The following BAALC variants were observed in gnomAD, a reference collection of about 807,000 sequenced individuals.
BAALC encodes BAALC binder of MAP3K1 and KLF4, also known as brain and acute leukemia cytoplasmic protein.
Under a neutral mutation model 15.5 loss-of-function variants are expected in BAALC, and 9 were observed. The observed-to-expected ratio is 0.58, with a 90% CI of 0.35 to 1.02. The LOEUF (loss-of-function observed/expected upper bound fraction) is 1.02. Ranked by LOEUF, BAALC falls within the 50% of genes least tolerant of loss-of-function variation. The pLI, the probability that BAALC is intolerant of heterozygous loss-of-function variation, is 0.02. For missense variants in BAALC, 201 were observed against 192.4 expected (o/e 1.04, Z -0.27); for synonymous variants, 80 against 74.6 (o/e 1.07, Z -0.37).
intron 1 of BAALC, among the ~76,000 whole-genome samples, chr8:103,200,380 T>A (rs1281082174): frequency 6.6e-6 from 1 of 152,194 alleles, no homozygotes; most frequent in African/African-American, 2.4e-5. Context: ...ATCTAATTTC[T>A]AATATCCACC....
At chr8:103,162,149 A>G (rs951497470) in intron 1 of BAALC, among the ~76,000 whole-genome samples, 2 of 151,912 alleles carry the variant, frequency 1.3e-5, no homozygotes, top group African/African-American at 2.4e-5. Flanking sequence ...TTTCATAGAG[A>G]TGGGGTTTTG....
At chr8:103,153,452 A>G (rs1811024161) in intron 1 of BAALC, 1 of 152,222 alleles carries the variant, frequency 6.6e-6, no homozygotes, top group Non-Finnish European at 1.5e-5. Flanking sequence ...CATTCTCTGG[A>G]AAAACCACAT....
intron 2 of BAALC, among the ~76,000 whole-genome samples, chr8:103,218,952 T>C (rs1222202530): frequency 6.6e-6 from 1 of 152,024 alleles, no homozygotes; most frequent in Non-Finnish European, 1.5e-5. Flanking sequence ...ATGAGACATA[T>C]CAAGGGAGAG....
chr8:103,182,523 ACT>A (rs1452324692), intron 1 of BAALC, among the ~76,000 whole-genome samples: 3 of 152,200 alleles, frequency 2.0e-5, no homozygotes, highest in African/African-American at 7.2e-5. Flanking sequence ...AAGTAACAAG[ACT>A]CACACTGTCT....
intron 1 of BAALC, among the ~76,000 whole-genome samples, chr8:103,178,279 G>C (rs1039629368): frequency 1.3e-5 from 2 of 152,208 alleles, no homozygotes; most frequent in Non-Finnish European, 2.9e-5. Context: ...GCGACATGAA[G>C]AATCCTTGTG....
At chr8:103,194,464 T>A (rs1812045843) in intron 1 of BAALC, among the ~76,000 whole-genome samples, 1 of 152,230 alleles carries the variant, frequency 6.6e-6, no homozygotes, top group African/African-American at 2.4e-5. Context: ...GAGGTCATTG[T>A]AACAAATAAG....
chr8:103,181,739 G>T (rs548796080), intron 1 of BAALC, among the ~76,000 whole-genome samples: 1 of 152,296 alleles, frequency 6.6e-6, no homozygotes, highest in Non-Finnish European at 1.5e-5. Flanking sequence ...GTTAATAGTA[G>T]CTGATATTAA....
At position 103,229,780 on chromosome 8, in the gene BAALC, C is replaced by A. The variant is rs927413236; in HGVS notation, c.*1681C>A. The A allele has an allele frequency of 6.6e-6, 1 of 152,180 alleles. No individual in the cohort carries two copies. Among genetic ancestry groups the A allele is most frequent in the Admixed American group, 6.5e-5 (1 of 15,274 alleles). 9.4% of individuals were successfully genotyped at this position (152,180 alleles called of 1,614,324 possible). ...TACACGCAACTATAGTTTTTCTAAACCTTCATCATTTTGTGATTCTTTGAG... is the reference window on the plus strand; with the variant it reads ...TACACGCAACTATAGTTTTTCTAAAACTTCATCATTTTGTGATTCTTTGAG... On this transcript the variant is annotated 3_prime_UTR_variant, in exon 3 of 3. Transcript: ENST00000309982.
In BAALC at chr8:103,229,868, A is replaced by C. The variant is rs562204991; in HGVS notation, c.*1769A>C. The C allele has an allele frequency of 7.9e-5, 12 of 152,294 alleles. No homozygotes were observed. In the East Asian group the frequency reaches 2.1e-3, roughly 27 times the overall value. 9.4% of individuals were successfully genotyped at this position (152,294 alleles called of 1,614,324 possible). The stretch of plus-strand genomic sequence containing the variant: ...TTTAACAATAATAAGATAAAAGAAA[A>C]ACCTGTGATTCATATGTCCCCACTG... On this transcript the variant is annotated 3_prime_UTR_variant, in exon 3 of 3. Transcript: ENST00000309982.
Position 103,142,008 on chromosome 8 carries a change from C to T in BAALC, c.160+951C>T, listed in dbSNP as rs537121190. The stretch of plus-strand genomic sequence containing the variant: ...AAGGAAAAAATCTCACTACTTATTA[C>T]ATGGATGTTGTCCAAAGCAAGGTCA... On this transcript the variant is annotated intron_variant, in intron 1 of 2. Coordinates refer to ENST00000309982, the MANE Select transcript of BAALC (RefSeq NM_024812.3). Among the ~76,000 whole-genome samples, 6 of 152,332 alleles carry T rather than the reference C, an allele frequency of 3.9e-5. No homozygotes were observed. In the South Asian group the frequency reaches 1.0e-3, roughly 26 times the overall value.
intron 1 of BAALC, among the ~76,000 whole-genome samples, chr8:103,185,092 T>C (rs963022341): frequency 6.6e-6 from 1 of 152,046 alleles, no homozygotes; most frequent in Admixed American, 6.6e-5. Context: ...ACTGATTCTG[T>C]ACGTACCAGG....
At chr8:103,160,469 G>C (rs1385746707) in intron 1 of BAALC, among the ~76,000 whole-genome samples, 3 of 152,130 alleles carry the variant, frequency 2.0e-5, no homozygotes, top group Non-Finnish European at 4.4e-5. Context: ...GCCTCAGTGT[G>C]ATTACTGAAA....
At chr8:103,149,602 G>A (rs1187300889) in intron 1 of BAALC, among the ~76,000 whole-genome samples, 1 of 152,108 alleles carries the variant, frequency 6.6e-6, no homozygotes, top group Non-Finnish European at 1.5e-5. Context: ...TTCCGGATGG[G>A]GGGATGGGAA....
At position 103,190,921 on chromosome 8, in the gene BAALC, C is replaced by T. The variant is rs146763807; in HGVS notation, c.161-21998C>T. 591 of 152,234 alleles carry T rather than the reference C, an allele frequency of 3.9e-3. 2 individuals are homozygous for T. The highest frequency in any genetic ancestry group is 0.013 in the African/African-American group (556 of 41,522). 9.4% of individuals were successfully genotyped at this position (152,234 alleles called of 1,614,324 possible). A position where few individuals can be genotyped will look rare whatever the true frequency, so the allele number is the denominator to read the frequency against. On this transcript the variant is annotated intron_variant, in intron 1 of 2. Coordinates refer to ENST00000309982, the MANE Select transcript of BAALC (RefSeq NM_024812.3). ...TTAAATTAGTTGGAAACAGGCTGGG[C>T]GCAGTGGCTCACACCTGTAATCCTA...
At chr8:103,205,444 A>G (rs1354826314) in intron 1 of BAALC, among the ~76,000 whole-genome samples, 4 of 152,214 alleles carry the variant, frequency 2.6e-5, no homozygotes, top group African/African-American at 7.2e-5. Flanking sequence ...CTCCTAATTT[A>G]CTGGTACAGA....
At chr8:103,163,700 A>G (rs1811279647) in intron 1 of BAALC, among the ~76,000 whole-genome samples, 1 of 151,608 alleles carries the variant, frequency 6.6e-6, no homozygotes, top group African/African-American at 2.4e-5. Context: ...TCCCCTTCAA[A>G]TCACCTACCA....
At chr8:103,146,078 T>C (rs1810872690) in intron 1 of BAALC, among the ~76,000 whole-genome samples, 1 of 152,212 alleles carries the variant, frequency 6.6e-6, no homozygotes, top group African/African-American at 2.4e-5. Flanking sequence ...AAGAAGTTAC[T>C]ATTATAGGGA....
chr8:103,185,852 T>G (rs1811823655), intron 1 of BAALC, among the ~76,000 whole-genome samples: 1 of 152,254 alleles, frequency 6.6e-6, no homozygotes, highest in Non-Finnish European at 1.5e-5. Context: ...TATAAGTCAC[T>G]GTGGCCATGG....
At chr8:103,171,365 GAGAA>G (rs1482793055) in intron 1 of BAALC, among the ~76,000 whole-genome samples, 9 of 115,730 alleles carry the variant, frequency 7.8e-5, no homozygotes, top group Admixed American at 5.3e-4. Flanking sequence ...AGGAAGGAAG[GAGAA>G]AGAAAGAAAG....
Sources: allele counts gnomAD v4.1 joint callset (sites outside exome capture counted in the v4.1 genomes callset), GRCh38; gene constraint gnomAD v4.1.1; transcripts MANE v1.5; gene names NCBI Gene and HGNC (gene_info 2026-07-23, HGNC 2026-07-21).